The following KIAA1217 variants were observed in gnomAD, a reference collection of about 807,000 sequenced individuals.
KIAA1217 encodes KIAA1217.
KIAA1217 carries 88 observed loss-of-function variants against 163.9 expected under a neutral mutation model. That is an observed-to-expected ratio of 0.54 (90% CI 0.45 to 0.64). The LOEUF is 0.64. Ranked by LOEUF, KIAA1217 falls within the 30% of genes least tolerant of loss-of-function variation. The pLI is 0.00. For missense variants in KIAA1217, 2,372 were observed against 2,475.0 expected, an observed-to-expected ratio of 0.96 and a Z score of 0.88; for synonymous variants, 903 against 923.1, an observed-to-expected ratio of 0.98 and a Z score of 0.39.
intron 1 of KIAA1217, among the ~76,000 whole-genome samples, chr10:23,796,445 C>A (rs996691930): frequency 6.6e-5 from 10 of 152,024 alleles, no homozygotes; most frequent in African/African-American, 2.2e-4. Flanking sequence ...CTCACTGCAA[C>A]CTCTGCCTCC....
intron 1 of KIAA1217, among the ~76,000 whole-genome samples, chr10:23,929,834 C>T (rs1333987084): frequency 6.6e-6 from 1 of 152,138 alleles, no homozygotes; most frequent in African/African-American, 2.4e-5. Context: ...GATGGGGTTG[C>T]TGGGTCAGAT....
chr10:23,996,555 T>C (rs1324722021), intron 1 of KIAA1217, among the ~76,000 whole-genome samples: 1 of 152,022 alleles, frequency 6.6e-6, no homozygotes, highest in Non-Finnish European at 1.5e-5. Context: ...TGAAAGAATG[T>C]TGAGAAAAAA....
Position 23,832,120 on chromosome 10 carries a change from G to A in KIAA1217, c.-321+136886G>A, listed in dbSNP as rs112527991. On this transcript the variant is annotated intron_variant, in intron 1 of 18. Coordinates refer to the KIAA1217 transcript ENST00000376462. Reference sequence around the variant, plus strand: ...GCCCAGTCCCACAAGACTTCTCTCCGCCACTTCAGATACCAATAGCAAATA... The same window carrying A: ...GCCCAGTCCCACAAGACTTCTCTCCACCACTTCAGATACCAATAGCAAATA... Among the ~76,000 whole-genome samples, 798 of 152,122 alleles carry A rather than the reference G, an allele frequency of 5.2e-3. 11 individuals carry two copies. Among genetic ancestry groups the A allele is most frequent in the African/African-American group, 0.017 (714 of 41,506 alleles).
intron 2 of KIAA1217, among the ~76,000 whole-genome samples, chr10:24,202,884 G>A (rs1308673429): frequency 6.6e-6 from 1 of 152,154 alleles, no homozygotes; most frequent in Non-Finnish European, 1.5e-5. Flanking sequence ...GAAAGAAGAG[G>A]AATTTTAGAA....
At chr10:23,763,344 A>G (rs939147455) in intron 1 of KIAA1217, among the ~76,000 whole-genome samples, 5 of 152,184 alleles carry the variant, frequency 3.3e-5, no homozygotes, top group African/African-American at 9.6e-5. Context: ...GAGGCATCAC[A>G]CTACCTGACT....
At chr10:23,909,552 G>T (rs1349095782) in intron 1 of KIAA1217, among the ~76,000 whole-genome samples, 1 of 151,798 alleles carries the variant, frequency 6.6e-6, no homozygotes, top group Non-Finnish European at 1.5e-5. Context: ...AAAAATGAAA[G>T]TCGTATAGAA....
chr10:24,018,048 C>G (rs1019293041), intron 2 of KIAA1217, among the ~76,000 whole-genome samples: 1 of 152,076 alleles, frequency 6.6e-6, no homozygotes, highest in African/African-American at 2.4e-5. Flanking sequence ...AAAGTGGCCT[C>G]AAGTTTGTAG....
Position 24,001,740 on chromosome 10 carries a change from G to C in KIAA1217, c.-320-5485G>C, listed in dbSNP as rs577647579. 1.8e-4 allele frequency among the ~76,000 whole-genome samples: 27 copies of C among 152,310 alleles called. No homozygotes were observed. The South Asian group carries it at 5.2e-3, about 29-fold the overall frequency. ...AAGTTCTTGATTGTAAGAAACAGAA[G>C]TTTGCCTGAGCGAGGGGAATGTCTA... On this transcript the variant is annotated intron_variant, in intron 1 of 18. Coordinates refer to the KIAA1217 transcript ENST00000376462.
chr10:23,898,922 A>C (rs1841833484), intron 1 of KIAA1217, among the ~76,000 whole-genome samples: 1 of 152,074 alleles, frequency 6.6e-6, no homozygotes, highest in Non-Finnish European at 1.5e-5. Flanking sequence ...TTCCTTTTAA[A>C]GGCAAAATGT....
intron 1 of KIAA1217, among the ~76,000 whole-genome samples, chr10:23,976,070 A>C (rs767176512): frequency 4.8e-4 from 73 of 152,166 alleles, no homozygotes; most frequent in Non-Finnish European, 9.4e-4. Context: ...TCAAAACGAA[A>C]TAGGACCCCA....
At position 24,473,758 on chromosome 10, in the gene KIAA1217, G is replaced by T. The variant is rs768656660; in HGVS notation, c.1377G>T (p.Pro459=). The change falls in exon 6 of 21, where the codon CCG becomes CCT. Residue 459 remains proline (P), a synonymous_variant. Coordinates refer to ENST00000376454, the MANE Select transcript of KIAA1217 (RefSeq NM_019590.5). The part of the protein sequence containing the change: ...SLYRQKSRKY[P]DSHLPTLGSK... ...ACAGACAGAAATCAAGGAAATATCC[G>T]GATAGCCATTTGCCTACACTGGGCT... 1 of 1,614,012 alleles carries T rather than the reference G, an allele frequency of 6.2e-7. No homozygotes were observed. Among genetic ancestry groups the T allele is most frequent in the Non-Finnish European group, 8.5e-7 (1 of 1,180,014 alleles).
At position 24,544,145 on chromosome 10, in the gene KIAA1217, C is replaced by T. The variant is rs763036329; in HGVS notation, c.4875C>T (p.Ile1625=). The change falls in exon 19 of 21, where the codon ATC becomes ATT. Residue 1625 remains isoleucine (I), a synonymous_variant. Coordinates refer to ENST00000376454, the MANE Select transcript of KIAA1217 (RefSeq NM_019590.5). ...KQHKEAKRFE[I]ARSQPEDTPE... is the part of the protein sequence containing the mutation. ...ACAAAGAAGCCAAGCGCTTCGAAATCGCTAGGTCTCAACCTGAAGACACCC... is the reference window on the plus strand; with the variant it reads ...ACAAAGAAGCCAAGCGCTTCGAAATTGCTAGGTCTCAACCTGAAGACACCC... 8 of 1,613,960 alleles carry T rather than the reference C, an allele frequency of 5.0e-6. No homozygotes were observed. The African/African-American group carries it at 5.3e-5, about 11-fold the overall frequency.
At chr10:24,297,363 A>T (rs1305322958) in intron 2 of KIAA1217, among the ~76,000 whole-genome samples, 1 of 152,170 alleles carries the variant, frequency 6.6e-6, no homozygotes, top group Admixed American at 6.5e-5. Context: ...TGCCTAATGG[A>T]AGTAGCATCC....
At chr10:24,159,761 C>G (rs773140415) in intron 2 of KIAA1217, among the ~76,000 whole-genome samples, 1 of 151,448 alleles carries the variant, frequency 6.6e-6, no homozygotes, top group Non-Finnish European at 1.5e-5. Context: ...CCAGCCTGGG[C>G]GACAGAGCTA....
chr10:24,216,579 C>A (rs1030111436), intron 1 of KIAA1217, among the ~76,000 whole-genome samples: 3 of 151,910 alleles, frequency 2.0e-5, no homozygotes, highest in African/African-American at 7.3e-5. Flanking sequence ...GTAATCCCGG[C>A]ACTTTGGGAG....
At chr10:24,122,236 G>A (rs531326688) in intron 2 of KIAA1217, among the ~76,000 whole-genome samples, 3 of 151,876 alleles carry the variant, frequency 2.0e-5, no homozygotes, top group African/African-American at 4.8e-5. Flanking sequence ...TTACAAGTGA[G>A]AACATGTAAT....
In KIAA1217 at chr10:23,996,792, T is replaced by C. The variant is rs544705295; in HGVS notation, c.-320-10433T>C. Among the ~76,000 whole-genome samples the C allele has an allele frequency of 2.0e-5, 3 of 152,346 alleles. No individual in the cohort carries two copies. The East Asian group carries it at 5.8e-4, about 29-fold the overall frequency. On this transcript the variant is annotated intron_variant, in intron 1 of 18. Coordinates refer to the KIAA1217 transcript ENST00000376462. ...CTTTATTGTTTTTAGTAGATTTTTC[T>C]ATAAGCCTGAATTCCCACAGTTCAA...
upstream of KIAA1217, chr10:24,209,046 C>T (rs2067739288): frequency 1.1e-5 from 7 of 637,384 alleles, no homozygotes; most frequent in Non-Finnish European, 1.9e-5. Flanking sequence ...GGAGACTTTG[C>T]ACCGGAGTGG....
intron 10 of KIAA1217, among the ~76,000 whole-genome samples, chr10:24,514,874 C>G (rs2069802427): frequency 6.6e-6 from 1 of 151,756 alleles, no homozygotes; most frequent in South Asian, 2.1e-4. Context: ...TGCCTGTAGT[C>G]CCAGCTACTC....
Sources: gnomAD v4.1 joint callset for allele counts (sites outside exome capture counted in the v4.1 genomes callset) on GRCh38, gnomAD v4.1.1 for gene constraint, MANE v1.5 for transcripts, NCBI Gene and HGNC (gene_info 2026-07-23, HGNC 2026-07-21) for gene names.